PTPRK: variants seen among roughly 807,000 people sequenced by gnomAD.
The protein encoded by PTPRK is protein tyrosine phosphatase receptor type K.
In PTPRK, 75 loss-of-function variants were observed where a neutral mutation model predicts 178.0. The ratio of observed to expected loss-of-function variants is 0.42; its 90% confidence interval spans 0.35 to 0.51. The LOEUF is 0.51. PTPRK is among the 20% of genes least tolerant of loss of function. PTPRK has a pLI of 0.02. For synonymous variants in PTPRK, 637 were observed against 620.6 expected (o/e 1.03, Z -0.39); for missense variants, 1,441 against 1,797.8 (o/e 0.80, Z 3.59).
At chr6:128,488,717 A>G (rs768317632) in intron 1 of PTPRK, among the ~76,000 whole-genome samples, 1 of 152,224 alleles carries the variant, frequency 6.6e-6, no homozygotes, top group Non-Finnish European at 1.5e-5. Context: ...GTAAAGGCAT[A>G]TGGTTCAAGA....
At chr6:128,423,149 A>G (rs992502281) in intron 1 of PTPRK, among the ~76,000 whole-genome samples, 1 of 152,244 alleles carries the variant, frequency 6.6e-6, no homozygotes, top group East Asian at 1.9e-4. Context: ...TAGCAATCTA[A>G]AAATAAAAAA....
At chr6:128,303,129 C>T (rs1397993638) in intron 3 of PTPRK, among the ~76,000 whole-genome samples, 2 of 152,194 alleles carry the variant, frequency 1.3e-5, no homozygotes, top group Non-Finnish European at 1.5e-5. Flanking sequence ...AGTTACATCT[C>T]CAAGGCATTT....
chr6:128,132,025 C>G (rs1018881630), intron 7 of PTPRK, among the ~76,000 whole-genome samples: 1 of 152,098 alleles, frequency 6.6e-6, no homozygotes, highest in Non-Finnish European at 1.5e-5. Context: ...CAAATAATTA[C>G]AAACTGCTTT....
intron 3 of PTPRK, among the ~76,000 whole-genome samples, chr6:128,271,073 A>G (rs1259600343): frequency 6.6e-6 from 1 of 152,084 alleles, no homozygotes; most frequent in Non-Finnish European, 1.5e-5. Flanking sequence ...AAAAAAAAGG[A>G]TAGACAAAAG....
Position 128,361,358 on chromosome 6 carries a change from T to C in PTPRK, c.223+36208A>G, listed in dbSNP as rs530258571. Among the ~76,000 whole-genome samples, 10 of 152,316 alleles carry C rather than the reference T, an allele frequency of 6.6e-5. No individual in the cohort carries two copies. The East Asian group carries it at 1.5e-3, about 23-fold the overall frequency. On this transcript the variant is annotated intron_variant, in intron 2 of 29. Coordinates refer to ENST00000368226, the MANE Select transcript of PTPRK (RefSeq NM_002844.4). ...AAACAAACAGTATTCAGTTACTTTT[T>C]GTTATTTTGTTTATAATTTTTCATA... is the stretch of plus-strand genomic sequence containing the variant.
At chr6:128,313,113 C>G (rs72967081) in intron 3 of PTPRK, among the ~76,000 whole-genome samples, 13,719 of 151,952 alleles carry the variant, frequency 0.09, 760 homozygotes, top group African/African-American at 0.15. Context: ...GCACAGGAGA[C>G]AGGGACTAGA....
intron 15 of PTPRK, among the ~76,000 whole-genome samples, chr6:128,001,400 C>T (rs1583587873): frequency 6.6e-6 from 1 of 151,914 alleles, no homozygotes; most frequent in Non-Finnish European, 1.5e-5. Context: ...ATGAAAAATA[C>T]AACAAATCAT....
At chr6:128,511,901 T>G (rs1413661112) in intron 1 of PTPRK, among the ~76,000 whole-genome samples, 1 of 152,214 alleles carries the variant, frequency 6.6e-6, no homozygotes, top group South Asian at 2.1e-4. Flanking sequence ...TGTAAAACAC[T>G]GATCACAGGC....
intron 7 of PTPRK, among the ~76,000 whole-genome samples, chr6:128,164,518 A>G (rs981125105): frequency 6.6e-6 from 1 of 151,366 alleles, no homozygotes; most frequent in African/African-American, 2.4e-5. Context: ...CCTCTAACTT[A>G]TGATAAGGAA....
chr6:128,494,881 T>G (rs974034945), intron 1 of PTPRK, among the ~76,000 whole-genome samples: 1 of 152,218 alleles, frequency 6.6e-6, no homozygotes, highest in Admixed American at 6.5e-5. Context: ...AAGTAAGAGC[T>G]GAATTGCTAT....
At chr6:128,458,170 T>A (rs1848616491) in intron 1 of PTPRK, among the ~76,000 whole-genome samples, 1 of 152,060 alleles carries the variant, frequency 6.6e-6, no homozygotes, top group Non-Finnish European at 1.5e-5. Flanking sequence ...ACTGTCAAGA[T>A]GAATAGCAAT....
chr6:128,446,461 C>A (rs1847044459), intron 1 of PTPRK, among the ~76,000 whole-genome samples: 1 of 152,154 alleles, frequency 6.6e-6, no homozygotes, highest in South Asian at 2.1e-4. Flanking sequence ...ATTCTCACTT[C>A]AAAATGTAGA....
At chr6:128,410,604 C>T (rs1485385540) in intron 1 of PTPRK, among the ~76,000 whole-genome samples, 5 of 152,198 alleles carry the variant, frequency 3.3e-5, no homozygotes, top group Non-Finnish European at 7.3e-5. Context: ...ACCTCCACAA[C>T]AGGCAGTCCT....
At chr6:128,173,993 T>C (rs1160202848) in intron 7 of PTPRK, among the ~76,000 whole-genome samples, 1 of 151,982 alleles carries the variant, frequency 6.6e-6, no homozygotes, top group Non-Finnish European at 1.5e-5. Context: ...TAAGATGAAC[T>C]GATGGATGAA....
intron 5 of PTPRK, among the ~76,000 whole-genome samples, chr6:128,225,172 C>A (rs1164799030): frequency 1.3e-5 from 2 of 152,094 alleles, no homozygotes; most frequent in African/African-American, 4.8e-5. Flanking sequence ...AGGCTATTGA[C>A]TTGAAAATAA....
At chr6:128,205,017 G>A (rs1192865800) in intron 6 of PTPRK, among the ~76,000 whole-genome samples, 1 of 152,102 alleles carries the variant, frequency 6.6e-6, no homozygotes, top group East Asian at 1.9e-4. Context: ...CAACCTAGAT[G>A]CCCATAAATG....
intron 3 of PTPRK, chr6:128,321,570 C>G: frequency 4.0e-6 from 2 of 503,960 alleles, no homozygotes; most frequent in South Asian, 6.4e-5. Context: ...ATGCCTCCCC[C>G]TTAACATAGT....
At chr6:128,141,635 G>T (rs1795782508) in intron 7 of PTPRK, among the ~76,000 whole-genome samples, 1 of 151,782 alleles carries the variant, frequency 6.6e-6, no homozygotes. Flanking sequence ...ATAGCATTTT[G>T]ACTATCTTTT....
intron 3 of PTPRK, among the ~76,000 whole-genome samples, chr6:128,307,919 A>G (rs1272237049): frequency 6.6e-6 from 1 of 152,216 alleles, no homozygotes; most frequent in East Asian, 1.9e-4. Flanking sequence ...CATAAACCAC[A>G]TGACTTAGCA....
Sources: allele counts gnomAD v4.1 joint callset (sites outside exome capture counted in the v4.1 genomes callset), GRCh38; gene constraint gnomAD v4.1.1; transcripts MANE v1.5; gene names NCBI Gene and HGNC (gene_info 2026-07-23, HGNC 2026-07-21).